IL17RD: variants seen among roughly 807,000 people sequenced by gnomAD.
IL17RD encodes the protein interleukin-17 receptor D.
IL17RD carries 52 observed loss-of-function variants against 80.5 expected under a neutral mutation model. That is an observed-to-expected ratio of 0.65 (90% CI 0.52 to 0.81). IL17RD has a LOEUF of 0.81. Among genes scored for constraint, IL17RD ranks in the 40% least tolerant of loss-of-function variants. The pLI is 0.00. For synonymous variants in IL17RD, 416 were observed against 391.8 expected, an observed-to-expected ratio of 1.06 and a Z score of -0.73; for missense variants, 1,024 against 955.1, an observed-to-expected ratio of 1.07 and a Z score of -0.95.
At chr3:57,108,802 C>T (rs1404432298) in intron 5 of IL17RD, among the ~76,000 whole-genome samples, 3 of 151,926 alleles carry the variant, frequency 2.0e-5, no homozygotes, top group Non-Finnish European at 4.4e-5. Context: ...AGGCATGAGC[C>T]ACCGCGCCTG....
At chr3:57,106,273 T>G in intron 5 of IL17RD, 119 bp from the exon 6 acceptor site, 1 of 705,278 alleles carries the variant, frequency 1.4e-6, no homozygotes, top group South Asian at 1.7e-5. Context: ...AGGTATAAAA[T>G]ACATCAATTC....
chr3:57,149,049 C>T (rs763860740), intron 1 of IL17RD, among the ~76,000 whole-genome samples: 1 of 152,148 alleles, frequency 6.6e-6, no homozygotes, highest in African/African-American at 2.4e-5. Flanking sequence ...TGGTGGCTCA[C>T]GCCTGTAGTC....
chr3:57,119,912 C>T (rs1707297435), intron 2 of IL17RD, among the ~76,000 whole-genome samples: 2 of 152,192 alleles, frequency 1.3e-5, no homozygotes, highest in Admixed American at 1.3e-4. Flanking sequence ...ATACTGTCCA[C>T]CATTCCCTAG....
chr3:57,127,285 A>AAT (rs1204555740), intron 1 of IL17RD, among the ~76,000 whole-genome samples: 10 of 88,028 alleles, frequency 1.1e-4, no homozygotes, highest in Admixed American at 1.6e-4. Context: ...AATATATATA[A>AAT]ATATATATAA....
chr3:57,132,728 A>G (rs1346939131), intron 1 of IL17RD, among the ~76,000 whole-genome samples: 3 of 152,248 alleles, frequency 2.0e-5, no homozygotes, highest in Non-Finnish European at 4.4e-5. Flanking sequence ...CACCTTTCGG[A>G]TCACAGGTGA....
intron 6 of IL17RD, 41 bp from the exon 7 acceptor site, chr3:57,106,049 C>T: frequency 6.2e-7 from 1 of 1,612,978 alleles, no homozygotes; most frequent in Non-Finnish European, 8.5e-7. Flanking sequence ...CCAGAGGCTA[C>T]CCTAACACCA....
upstream of IL17RD, among the ~76,000 whole-genome samples, chr3:57,169,827 C>T (rs1459217942): frequency 9.8e-6 from 1 of 101,810 alleles, no homozygotes; most frequent in East Asian, 2.5e-4. Context: ...CACCTGCAAG[C>T]CCTTAGTCCC....
At chr3:57,114,469 G>A (rs1314946263) in intron 3 of IL17RD, among the ~76,000 whole-genome samples, 1 of 152,194 alleles carries the variant, frequency 6.6e-6, no homozygotes, top group Non-Finnish European at 1.5e-5. Flanking sequence ...TCAAGCCCAT[G>A]TGAATAACAA....
At position 57,151,990 on chromosome 3, in the gene IL17RD, C is replaced by G. The variant is rs191713066; in HGVS notation, c.126+13171G>C. On this transcript the variant is annotated intron_variant, in intron 1 of 12. Transcript: ENST00000296318. ...GCTTCATCCGAAGGAAATGTCAGAG[C>G]CTGGGGAGCTGCGCAGACTCAGTAC... 2.8e-3 allele frequency among the ~76,000 whole-genome samples: 423 copies of G among 152,272 alleles called. 1 individual carries two copies. Among genetic ancestry groups the G allele is most frequent in the African/African-American group, 9.5e-3 (396 of 41,560 alleles).
rs1293662287 is a variant in IL17RD, at chr3:57,134,479, T to C, written c.127-14166A>G. ...AGAAGATACTGTGAATCTAAGAAGA[T>C]TGATCACCACACATATCACAGCCTG... On this transcript the variant is annotated intron_variant, in intron 1 of 12. Coordinates refer to ENST00000296318, the MANE Select transcript of IL17RD (RefSeq NM_017563.5). 67 of 928,124 alleles carry C rather than the reference T, an allele frequency of 7.2e-5. No individual in the cohort carries two copies. In the Middle Eastern group the frequency reaches 1.2e-3, roughly 16 times the overall value. 57.5% of individuals were successfully genotyped at this position (928,124 alleles called of 1,614,324 possible).
upstream of IL17RD, chr3:57,165,495 C>T (rs940966477): frequency 1.2e-5 from 3 of 253,716 alleles, no homozygotes; most frequent in African/African-American, 6.9e-5. Flanking sequence ...GGCCCTGCCC[C>T]CGTAGACCAC....
chr3:57,120,543 T>A (rs1461464987), intron 1 of IL17RD, among the ~76,000 whole-genome samples: 2 of 152,112 alleles, frequency 1.3e-5, no homozygotes, highest in African/African-American at 2.4e-5. Flanking sequence ...AGCACTCACT[T>A]CCCCTAAAAC....
rs77220427 is a variant in IL17RD at position 57,100,362 on chromosome 3, C to T, written c.1164+817G>A. On this transcript the variant is annotated intron_variant, in intron 11 of 12. Transcript: ENST00000296318. The stretch of plus-strand genomic sequence containing the variant: ...GGCAGTTTCAAAGCAAAAACAACTT[C>T]CAATCACACAGTTATTGTACAGTTC... Among the ~76,000 whole-genome samples the T allele has an allele frequency of 9.3e-3, 1,418 of 152,336 alleles. 12 individuals are homozygous for T. Among genetic ancestry groups the T allele is most frequent in the Non-Finnish European group, 0.013 (885 of 68,036 alleles).
At chr3:57,134,320 G>T in intron 1 of IL17RD, 1 of 688,516 alleles carries the variant, frequency 1.5e-6, no homozygotes, top group Middle Eastern at 3.3e-4. Flanking sequence ...TCCCGGGCTT[G>T]ATGCCGGGAA....
chr3:57,098,676 T>C (rs1706758879), intron 11 of IL17RD, 138 bp from the exon 12 acceptor site: 1 of 651,424 alleles, frequency 1.5e-6, no homozygotes, highest in South Asian at 1.9e-5. Flanking sequence ...ATGTGCAGGC[T>C]CCAGGTTACA....
At chr3:57,138,939 CAAAAAAAAAAAAAA>C (rs1026336884) in intron 1 of IL17RD, among the ~76,000 whole-genome samples, 3 of 40,492 alleles carry the variant, frequency 7.4e-5, no homozygotes, top group African/African-American at 2.8e-4. Context: ...AACTCCATCT[CAAAAAAAAAAAAAA>C]AAAAAAAAAG....
At chr3:57,127,361 T>TAGATAA (rs1707509393) in intron 1 of IL17RD, among the ~76,000 whole-genome samples, 1 of 81,184 alleles carries the variant, frequency 1.2e-5, no homozygotes, top group Admixed American at 2.0e-4. Context: ...TATATATAAA[T>TAGATAA]ATAAATATAT....
chr3:57,121,424 G>C (rs1158585955), intron 1 of IL17RD, among the ~76,000 whole-genome samples: 1 of 152,152 alleles, frequency 6.6e-6, no homozygotes, highest in Non-Finnish European at 1.5e-5. Flanking sequence ...CCTGAACTCA[G>C]ATATACATGG....
chr3:57,158,563 T>G (rs2060283718), intron 1 of IL17RD, among the ~76,000 whole-genome samples: 1 of 152,128 alleles, frequency 6.6e-6, no homozygotes, highest in Non-Finnish European at 1.5e-5. Flanking sequence ...GTCCCCCCCT[T>G]TAAATGTTGT....
Sources: allele counts gnomAD v4.1 joint callset (sites outside exome capture counted in the v4.1 genomes callset), GRCh38; gene constraint gnomAD v4.1.1; transcripts MANE v1.5; gene names NCBI Gene and HGNC (gene_info 2026-07-23, HGNC 2026-07-21).